The following SLC24A3 variants were observed in gnomAD, a reference collection of about 807,000 sequenced individuals.
SLC24A3 encodes sodium/potassium/calcium exchanger 3.
A neutral mutation model predicts 75.8 loss-of-function variants in SLC24A3; 28 were observed. The observed-to-expected ratio is 0.37, with a 90% confidence interval of 0.27 to 0.51. SLC24A3 has a LOEUF of 0.51. SLC24A3 is among the 20% of genes least tolerant of loss of function. SLC24A3 has a pLI of 0.94. For missense variants in SLC24A3, 663 were observed against 847.8 expected, an observed-to-expected ratio of 0.78 and a Z score of 2.71; for synonymous variants, 372 against 334.1, an observed-to-expected ratio of 1.11 and a Z score of -1.24.
intron 6 of SLC24A3, among the ~76,000 whole-genome samples, chr20:19,640,064 G>T (rs531071008): frequency 6.6e-6 from 1 of 152,370 alleles, no homozygotes; most frequent in East Asian, 1.9e-4. Context: ...GCCTTGATCA[G>T]CCCAGAAAGG....
At chr20:19,607,443 G>T (rs901490951) in intron 6 of SLC24A3, among the ~76,000 whole-genome samples, 1 of 152,132 alleles carries the variant, frequency 6.6e-6, no homozygotes, top group Non-Finnish European at 1.5e-5. Context: ...TTACAAATGG[G>T]TGCCAGATCT....
chr20:19,437,062 GGAGGAGCAGTGAAATGGCCTT>G (rs1987216824), intron 2 of SLC24A3, among the ~76,000 whole-genome samples: 1 of 152,210 alleles, frequency 6.6e-6, no homozygotes, highest in African/African-American at 2.4e-5. Context: ...AGTAAATGTT[GGAGGAGCAGTGAAATGGCCTT>G]GTGGGGACAT....
intron 1 of SLC24A3, among the ~76,000 whole-genome samples, chr20:19,230,385 G>A (rs1167231658): frequency 6.6e-6 from 1 of 152,106 alleles, no homozygotes; most frequent in East Asian, 1.9e-4. Flanking sequence ...GAATACTGAG[G>A]TGGAACCTTA....
intron 2 of SLC24A3, among the ~76,000 whole-genome samples, chr20:19,382,127 C>A (rs908436247): frequency 6.6e-6 from 1 of 152,196 alleles, no homozygotes; most frequent in Non-Finnish European, 1.5e-5. Flanking sequence ...AGGGTGTCAG[C>A]GTCTTGATAA....
At chr20:19,225,301 T>C (rs1044018693) in intron 1 of SLC24A3, among the ~76,000 whole-genome samples, 29 of 152,318 alleles carry the variant, frequency 1.9e-4, no homozygotes, top group African/African-American at 7.0e-4. Flanking sequence ...AAACGTGATA[T>C]GAAGGACCTC....
At chr20:19,408,133 G>A (rs1224636888) in intron 2 of SLC24A3, among the ~76,000 whole-genome samples, 1 of 152,128 alleles carries the variant, frequency 6.6e-6, no homozygotes, top group Non-Finnish European at 1.5e-5. Context: ...TGGAGAATTT[G>A]TAATATTTTA....
intron 1 of SLC24A3, among the ~76,000 whole-genome samples, chr20:19,234,605 G>T (rs1445123589): frequency 2.6e-5 from 4 of 152,208 alleles, no homozygotes; most frequent in African/African-American, 9.7e-5. Context: ...ATGGGATCCA[G>T]CTTCCTTACT....
chr20:19,369,964 G>A (rs6106066), intron 2 of SLC24A3, among the ~76,000 whole-genome samples: 70,401 of 151,962 alleles, frequency 0.46, 16,483 homozygotes, highest in Middle Eastern at 0.59. Context: ...CACTGCACCC[G>A]ACTGAAATGT....
intron 6 of SLC24A3, among the ~76,000 whole-genome samples, chr20:19,604,705 C>T (rs981853140): frequency 1.1e-4 from 16 of 152,198 alleles, no homozygotes; most frequent in African/African-American, 2.9e-4. Flanking sequence ...TGTGAGCCTC[C>T]GCCAGAGCCC....
chr20:19,251,400 C>T (rs967976718), intron 1 of SLC24A3, among the ~76,000 whole-genome samples: 6 of 152,280 alleles, frequency 3.9e-5, no homozygotes, highest in South Asian at 4.1e-4. Context: ...CTGTCTGTTT[C>T]GCCAGTGTCT....
At chr20:19,420,723 C>T (rs1309816569) in intron 2 of SLC24A3, among the ~76,000 whole-genome samples, 1 of 87,900 alleles carries the variant, frequency 1.1e-5, no homozygotes, top group Non-Finnish European at 2.1e-5. Context: ...CAAAAAAGAG[C>T]CCGCATCGCC....
In SLC24A3 at chr20:19,517,595, C is replaced by T. The variant is rs529637989; in HGVS notation, c.348+2031C>T. Among the ~76,000 whole-genome samples the T allele has an allele frequency of 4.6e-5, 7 of 152,260 alleles. No individual in the cohort carries two copies. In the South Asian group the frequency reaches 1.0e-3, roughly 23 times the overall value. On this transcript the variant is annotated intron_variant, in intron 3 of 16. Transcript: ENST00000328041. ...TTAGCACTTCGTAATCACTGGAATC[C>T]GATGCCACTGTTAGCCCCTGCCCTG... is the stretch of plus-strand genomic sequence containing the variant.
chr20:19,557,657 T>C (rs1488357650), intron 3 of SLC24A3, among the ~76,000 whole-genome samples: 1 of 152,198 alleles, frequency 6.6e-6, no homozygotes, highest in Non-Finnish European at 1.5e-5. Context: ...GCAGCACAGT[T>C]CTGTCTGTGC....
intron 2 of SLC24A3, among the ~76,000 whole-genome samples, chr20:19,469,456 C>G (rs745315853): frequency 7.9e-5 from 12 of 152,192 alleles, no homozygotes; most frequent in Non-Finnish European, 1.6e-4. Context: ...CCCTGGTCAA[C>G]CTGCCATACT....
At chr20:19,223,288 G>A (rs1981781160) in intron 1 of SLC24A3, among the ~76,000 whole-genome samples, 1 of 73,830 alleles carries the variant, frequency 1.4e-5, no homozygotes, top group African/African-American at 7.4e-5. Context: ...GCCAAGCTCT[G>A]TCTCGGGGTG....
chr20:19,660,478 T>C (rs2032314470), intron 7 of SLC24A3, among the ~76,000 whole-genome samples: 1 of 152,232 alleles, frequency 6.6e-6, no homozygotes, highest in Non-Finnish European at 1.5e-5. Flanking sequence ...TCGTTTCTTT[T>C]CGTGGCTCAG....
chr20:19,518,707 G>C (rs1568642164), intron 3 of SLC24A3, among the ~76,000 whole-genome samples: 1 of 152,224 alleles, frequency 6.6e-6, no homozygotes. Flanking sequence ...CGTTGGAGTG[G>C]TGAGAGATTC....
intron 2 of SLC24A3, among the ~76,000 whole-genome samples, chr20:19,495,721 T>C (rs1356198335): frequency 6.6e-6 from 1 of 152,240 alleles, no homozygotes; most frequent in African/African-American, 2.4e-5. Flanking sequence ...GCCTTTTCTC[T>C]AGAACTTCCC....
intron 2 of SLC24A3, among the ~76,000 whole-genome samples, chr20:19,363,818 C>G (rs975459741): frequency 6.6e-6 from 1 of 152,052 alleles, no homozygotes; most frequent in Non-Finnish European, 1.5e-5. Flanking sequence ...AAAAATAGTT[C>G]CTGCAGAATG....
Sources: gnomAD v4.1 joint callset for allele counts (sites outside exome capture counted in the v4.1 genomes callset) on GRCh38, gnomAD v4.1.1 for gene constraint, MANE v1.5 for transcripts, NCBI Gene and HGNC (gene_info 2026-07-23, HGNC 2026-07-21) for gene names.